Variants in FGD5 observed in about 807,000 individuals in gnomAD.
The protein encoded by FGD5 is FYVE, RhoGEF and PH domain-containing protein 5.
A neutral mutation model predicts 133.4 loss-of-function variants in FGD5; 28 were observed. The ratio of observed to expected loss-of-function variants is 0.21; its 90% CI spans 0.16 to 0.29. FGD5 has a LOEUF of 0.29. Among genes scored for constraint, FGD5 ranks in the 10% least tolerant of loss-of-function variants. The pLI, the probability that FGD5 is intolerant of heterozygous loss-of-function variation, is 1.00. For missense variants in FGD5, 1,858 were observed against 1,895.2 expected, an observed-to-expected ratio of 0.98 and a Z score of 0.36; for synonymous variants, 810 against 776.5, an observed-to-expected ratio of 1.04 and a Z score of -0.72.
chr3:14,910,103 A>C (rs1486540494), intron 10 of FGD5, among the ~76,000 whole-genome samples: 1 of 152,192 alleles, frequency 6.6e-6, no homozygotes, highest in African/African-American at 2.4e-5. Context: ...TTGCAAAAAA[A>C]TAAAAATAAA....
chr3:14,887,586 AC>A (rs1207325101), intron 4 of FGD5, among the ~76,000 whole-genome samples: 1 of 152,032 alleles, frequency 6.6e-6, no homozygotes, highest in Non-Finnish European at 1.5e-5. Flanking sequence ...CTTCCTGAGC[AC>A]CTGGTCTGGG....
rs527529641 is a variant in FGD5 at position 14,839,511 on chromosome 3, C to T, written c.2525+17915C>T. 8.5e-5 allele frequency among the ~76,000 whole-genome samples: 13 copies of T among 152,268 alleles called. No homozygotes were observed. The South Asian group carries it at 2.1e-3, about 24-fold the overall frequency. ...TACTGAGTGTATAGAGATCCTGCCCCGGGGGCACAGCACAGGGGCACAGAG... is the reference window on the plus strand; with the variant it reads ...TACTGAGTGTATAGAGATCCTGCCCTGGGGGCACAGCACAGGGGCACAGAG... On this transcript the variant is annotated intron_variant, in intron 1 of 19. Coordinates refer to ENST00000285046, the MANE Select transcript of FGD5 (RefSeq NM_152536.4).
intron 1 of FGD5, among the ~76,000 whole-genome samples, chr3:14,848,415 A>G (rs2037095328): frequency 6.6e-6 from 1 of 151,612 alleles, no homozygotes; most frequent in Admixed American, 6.6e-5. Flanking sequence ...CCATCTGTTA[A>G]GTAGGTAACT....
chr3:14,926,260 G>C, intron 18 of FGD5, 62 bp downstream of exon 18: 1 of 1,593,282 alleles, frequency 6.3e-7, no homozygotes, highest in Non-Finnish European at 8.6e-7. Flanking sequence ...CCTGGGGCCT[G>C]CACACATCCT....
chr3:14,910,279 G>A (rs1056947640), intron 10 of FGD5, among the ~76,000 whole-genome samples: 1 of 152,102 alleles, frequency 6.6e-6, no homozygotes, highest in African/African-American at 2.4e-5. Flanking sequence ...ACCATCACAA[G>A]TCCAACGCTT....
chr3:14,904,574 T>C (rs935832460), intron 9 of FGD5, among the ~76,000 whole-genome samples: 1 of 152,028 alleles, frequency 6.6e-6, no homozygotes, highest in African/African-American at 2.4e-5. Flanking sequence ...CCAGGATCAC[T>C]CACCTTGTGT....
rs530898741 is a variant in FGD5 at position 14,854,533 on chromosome 3, A to G, written c.2526-9595A>G. 5.3e-5 allele frequency among the ~76,000 whole-genome samples: 8 copies of G among 151,990 alleles called. 1 individual carries two copies. Among genetic ancestry groups the G allele is most frequent in the African/African-American group, 1.9e-4 (8 of 41,440 alleles). ...TGGGCTCAAGTGATCCTCCTGCCCT[A>G]GCCTCCCAAGTAGCTAGGACTACAG... On this transcript the variant is annotated intron_variant, in intron 1 of 19. Coordinates refer to ENST00000285046, the MANE Select transcript of FGD5 (RefSeq NM_152536.4).
chr3:14,907,229 G>A (rs978727061), intron 9 of FGD5, among the ~76,000 whole-genome samples: 13 of 152,214 alleles, frequency 8.5e-5, no homozygotes, highest in Admixed American at 2.6e-4. Context: ...TTCTAACCAC[G>A]AGGCTCCACA....
At chr3:14,925,967 A>G (rs1366219218) in intron 17 of FGD5, 103 bp from the exon 18 acceptor site, 51 of 1,465,428 alleles carry the variant, frequency 3.5e-5, no homozygotes, top group Non-Finnish European at 4.6e-5. Flanking sequence ...AAAGCAGTAT[A>G]AGTAGTCAGC....
At chr3:14,903,109 A>G (rs1349736146) in intron 9 of FGD5, among the ~76,000 whole-genome samples, 1 of 152,180 alleles carries the variant, frequency 6.6e-6, no homozygotes, top group East Asian at 1.9e-4. Context: ...TCACACTGTC[A>G]TGCAGCTGTC....
At chr3:14,854,939 A>C (rs1368103116) in intron 1 of FGD5, among the ~76,000 whole-genome samples, 1 of 152,166 alleles carries the variant, frequency 6.6e-6, no homozygotes, top group African/African-American at 2.4e-5. Context: ...CTACAGTGCT[A>C]TGGAACCCTA....
At chr3:14,835,506 A>AAAAGAAAAG (rs2036800458) in intron 1 of FGD5, among the ~76,000 whole-genome samples, 1 of 151,790 alleles carries the variant, frequency 6.6e-6, no homozygotes, top group African/African-American at 2.4e-5. Flanking sequence ...TCTCAAAAAA[A>AAAAGAAAAG]AAAAGAAAAG....
chr3:14,916,187 G>A (rs1321526964), intron 11 of FGD5, among the ~76,000 whole-genome samples: 1 of 152,226 alleles, frequency 6.6e-6, no homozygotes, highest in Non-Finnish European at 1.5e-5. Context: ...CTGTGTCCAC[G>A]ATAAAGTAAT....
At chr3:14,882,176 G>T in intron 4 of FGD5, 1 of 408,202 alleles carries the variant, frequency 2.4e-6, no homozygotes, top group Non-Finnish European at 3.3e-6. Context: ...TTTGGCAAAG[G>T]CCTGAAGGAT....
intron 1 of FGD5, among the ~76,000 whole-genome samples, chr3:14,855,442 C>T (rs902238923): frequency 6.6e-6 from 1 of 152,172 alleles, no homozygotes; most frequent in African/African-American, 2.4e-5. Context: ...TATTGTTCTC[C>T]ATAGTGGCTC....
At position 14,821,496 on chromosome 3, in the gene FGD5, A is replaced by G. The variant is rs764711428; in HGVS notation, c.2425A>G (p.Arg809Gly). 3 of 1,613,926 alleles carry G rather than the reference A, an allele frequency of 1.9e-6. No individual in the cohort carries two copies. In the African/African-American group the frequency reaches 4.0e-5, roughly 22 times the overall value. The change falls in exon 1 of 20, where the codon AGA (arginine) becomes GGA (glycine). Residue 809 changes from arginine (R) to glycine (G), a missense_variant. Arg to Gly is a moderately radical substitution (Grantham distance 125, BLOSUM62 -2). This residue lies in a region of FGD5 where 1,824 missense variants were observed against 1,848.9 expected (regional missense o/e 0.99). Coordinates refer to ENST00000285046, the MANE Select transcript of FGD5 (RefSeq NM_152536.4). ...CACGAAGCTGTTTGAAGATCAGAGC[A>G]GAGCCCTGTCCACAGCAAACGAAAA... The part of the protein sequence containing the change: ...AFTKLFEDQS[R>G]ALSTANENDG...
At chr3:14,875,139 C>T (rs576402199) in intron 2 of FGD5, among the ~76,000 whole-genome samples, 1 of 152,326 alleles carries the variant, frequency 6.6e-6, no homozygotes, top group East Asian at 1.9e-4. Flanking sequence ...TCTCCTGGAG[C>T]CTAGTGCCCC....
intron 4 of FGD5, among the ~76,000 whole-genome samples, chr3:14,890,832 C>T (rs140070485): frequency 0.043 from 6,559 of 152,276 alleles, 198 homozygotes; most frequent in Middle Eastern, 0.071. Flanking sequence ...GCCTGTTCTT[C>T]CTTTTCTCTC....
chr3:14,893,742 T>G (rs1264960043), intron 4 of FGD5, among the ~76,000 whole-genome samples: 2 of 103,844 alleles, frequency 1.9e-5, no homozygotes, highest in African/African-American at 3.7e-5. Context: ...TTTTCTTTCT[T>G]TTCTTTTTTC....
Sources: gnomAD v4.1 joint callset for allele counts (sites outside exome capture counted in the v4.1 genomes callset) on GRCh38, gnomAD v4.1.1 for gene constraint, gnomAD v4.1.1 regional missense constraint, MANE v1.5 for transcripts, NCBI Gene and HGNC (gene_info 2026-07-23, HGNC 2026-07-21) for gene names.